Variants in PCAT7 observed in about 807,000 individuals in gnomAD.
PCAT7 encodes the protein prostate cancer associated transcript 7.
chr9:94,562,320 A>C (rs921757281), intron 2 of PCAT7, among the ~76,000 whole-genome samples: 2 of 151,610 alleles, frequency 1.3e-5, no homozygotes, highest in Non-Finnish European at 2.9e-5. Flanking sequence ...AAAAAAAAAA[A>C]AAAAAAAAAA....
intron 2 of PCAT7, chr9:94,567,476 A>C: frequency 1.3e-6 from 2 of 1,575,472 alleles, no homozygotes; most frequent in Non-Finnish European, 1.7e-6. Context: ...CACAATCCCC[A>C]CATCAGAGCA....
At chr9:94,571,538 C>A (rs1019374520) in intron 2 of PCAT7, 1 of 1,614,076 alleles carries the variant, frequency 6.2e-7, no homozygotes. Flanking sequence ...CAGCGCATAA[C>A]CTGCGGCCAC....
intron 2 of PCAT7, chr9:94,571,475 A>T: frequency 1.2e-6 from 2 of 1,612,262 alleles, no homozygotes; most frequent in Admixed American, 1.7e-5. Flanking sequence ...GTCAAGCATG[A>T]AGAGGTCCAC....
At chr9:94,562,811 CT>C (rs931472339) in intron 2 of PCAT7, among the ~76,000 whole-genome samples, 3 of 152,146 alleles carry the variant, frequency 2.0e-5, no homozygotes, top group Non-Finnish European at 2.9e-5. Context: ...CAGGAACTAC[CT>C]TTCCAGATAT....
intron 2 of PCAT7, chr9:94,571,664 G>A (rs1564183532): frequency 6.8e-7 from 1 of 1,479,898 alleles, no homozygotes; most frequent in East Asian, 2.4e-5. Flanking sequence ...CACTTTGCCA[G>A]GGGCCTGGGC....
rs547312807 is a variant in PCAT7, at chr9:94,559,129, G to A, written n.418G>A. The stretch of plus-strand genomic sequence containing the variant: ...ACGGGATTGCATTCATACAGGAGCC[G>A]GAGCTGTGGAGGAACAGAGGCAGGT... On this transcript the variant is annotated non_coding_transcript_exon_variant, in exon 2 of 9. Transcript: ENST00000647389. 4.5e-5 allele frequency: 72 copies of A among 1,609,286 alleles called. No homozygotes were observed. The highest frequency in any genetic ancestry group is 4.2e-4 in the South Asian group (38 of 90,826).
intron 2 of PCAT7, chr9:94,569,470 C>CG (rs1309412150): frequency 6.6e-6 from 1 of 152,250 alleles, no homozygotes; most frequent in Non-Finnish European, 1.5e-5. Context: ...ACTCACTCAC[C>CG]ACCTGAACAG....
At chr9:94,565,415 G>A (rs536238989) in intron 2 of PCAT7, among the ~76,000 whole-genome samples, 50 of 151,514 alleles carry the variant, frequency 3.3e-4, no homozygotes, top group African/African-American at 1.1e-3. Flanking sequence ...TTTGAGGGTG[G>A]AGTATCTTAC....
intron 2 of PCAT7, chr9:94,563,315 CA>C (rs1228923354): frequency 6.2e-7 from 1 of 1,611,162 alleles, no homozygotes; most frequent in African/African-American, 1.3e-5. Flanking sequence ...TGACCGGATG[CA>C]CAGCCAGTGG....
chr9:94,566,947 A>G (rs996788994), intron 2 of PCAT7, among the ~76,000 whole-genome samples: 11 of 118,704 alleles, frequency 9.3e-5, no homozygotes, highest in African/African-American at 3.3e-4. Context: ...GAGTGAGTCT[A>G]TAGGTTGGAG....
chr9:94,571,605 G>C (rs747429104), intron 2 of PCAT7: 212 of 1,609,756 alleles, frequency 1.3e-4, no homozygotes, highest in Non-Finnish European at 1.8e-4. Context: ...TCTGAGGTCT[G>C]TGGAAGAGAG....
At chr9:94,558,962 C>T (rs756741950) in intron 1 of PCAT7, 1 of 1,614,128 alleles carries the variant, frequency 6.2e-7, no homozygotes, top group East Asian at 2.2e-5. Flanking sequence ...GATTTTTCTG[C>T]ACACAGGTGA....
chr9:94,570,720 A>T (rs1827259545), intron 2 of PCAT7: 1 of 152,124 alleles, frequency 6.6e-6, no homozygotes, highest in African/African-American at 2.4e-5. Flanking sequence ...ATTCTATTTG[A>T]AAAGTTTCTG....
rs190420034 is a variant in PCAT7, at chr9:94,563,338, T to C, written n.441+4186T>C. 8.0e-4 allele frequency: 1,295 copies of C among 1,613,534 alleles called. 3 individuals are homozygous for C. Among genetic ancestry groups the C allele is most frequent in the Non-Finnish European group, 9.9e-4 (1,171 of 1,179,720 alleles). On this transcript the variant is annotated intron_variant and non_coding_transcript_variant, in intron 2 of 8. Transcript: ENST00000647389. ...TGCACAGCCAGTGGACAAGGGAGAA[T>C]TACCTTGCCCTTAGGGCTCTTCTGG...
chr9:94,561,616 T>C lies in PCAT7; in HGVS notation n.441+2464T>C, dbSNP rs542389986. On this transcript the variant is annotated intron_variant and non_coding_transcript_variant, in intron 2 of 8. Coordinates refer to ENST00000647389, the Ensembl canonical transcript of PCAT7. ...TTCTGACCTCGTGATCCACCCGCCTTGGCCTCCCAAAGTACTAGGATTACA... is the reference window on the plus strand; with the variant it reads ...TTCTGACCTCGTGATCCACCCGCCTCGGCCTCCCAAAGTACTAGGATTACA... Among the ~76,000 whole-genome samples, 142 of 152,198 alleles carry C rather than the reference T, an allele frequency of 9.3e-4. 1 individual carries two copies. The highest frequency in any genetic ancestry group is 1.7e-3 in the Non-Finnish European group (117 of 68,016).
At chr9:94,571,172 C>T (rs189589545) in intron 2 of PCAT7, among the ~76,000 whole-genome samples, 55 of 152,308 alleles carry the variant, frequency 3.6e-4, no homozygotes, top group African/African-American at 1.1e-3. Flanking sequence ...ATGGCATTCT[C>T]ATAAGCCAAA....
chr9:94,573,176 G>C (rs2945798), intron 3 of PCAT7: 74,004 of 152,046 alleles, frequency 0.49, 18,644 homozygotes, highest in African/African-American at 0.61. Context: ...TAAGCATTCA[G>C]TCTTTCACCA....
chr9:94,565,537 T>C lies in PCAT7; in HGVS notation n.441+6385T>C, dbSNP rs1435534365. On this transcript the variant is annotated intron_variant and non_coding_transcript_variant, in intron 2 of 8. Coordinates refer to ENST00000647389, the Ensembl canonical transcript of PCAT7. ...AACATTAAGTCATAAAATCAAAACA[T>C]TTAAATACAGAAAGAATCTTTCAGC... Among the ~76,000 whole-genome samples the C allele has an allele frequency of 2.0e-5, 3 of 152,126 alleles. No individual in the cohort carries two copies. In the East Asian group the frequency reaches 5.8e-4, roughly 29 times the overall value.
intron 2 of PCAT7, among the ~76,000 whole-genome samples, chr9:94,562,039 C>T (rs1195461246): frequency 2.6e-5 from 4 of 152,096 alleles, no homozygotes; most frequent in African/African-American, 9.7e-5. Context: ...TCGCCGGGCG[C>T]TGTGACTCAT....
Sources: gnomAD v4.1 joint callset for allele counts (sites outside exome capture counted in the v4.1 genomes callset) on GRCh38, gnomAD v4.1.1 for gene constraint, MANE v1.5 for transcripts, NCBI Gene and HGNC (gene_info 2026-07-23, HGNC 2026-07-21) for gene names.